ADGRB3: variants seen among roughly 807,000 people sequenced by gnomAD.
ADGRB3 encodes the protein adhesion G protein-coupled receptor B3, also known as brain-specific angiogenesis inhibitor 3.
In ADGRB3, 37 loss-of-function variants were observed where a neutral mutation model predicts 193.4. The ratio of observed to expected loss-of-function variants is 0.19; its 90% CI spans 0.15 to 0.25. ADGRB3 has a LOEUF of 0.25. Among genes scored for constraint, ADGRB3 ranks in the 10% least tolerant of loss-of-function variants. The pLI is 1.00. For synonymous variants in ADGRB3, 690 were observed against 644.2 expected, an observed-to-expected ratio of 1.07 and a Z score of -1.08; for missense variants, 1,637 against 1,852.9, an observed-to-expected ratio of 0.88 and a Z score of 2.14.
chr6:68,758,392 T>C (rs1356750363), intron 3 of ADGRB3, among the ~76,000 whole-genome samples: 22 of 152,096 alleles, frequency 1.4e-4, no homozygotes, highest in Non-Finnish European at 5.9e-5. Flanking sequence ...GTTTTTACTA[T>C]TTCTTGTTCT....
intron 6 of ADGRB3, among the ~76,000 whole-genome samples, chr6:68,954,871 C>CG (rs1214516887): frequency 6.6e-6 from 1 of 151,854 alleles, no homozygotes; most frequent in East Asian, 1.9e-4. Flanking sequence ...TCAGTAGAGA[C>CG]GGGGTTTCAC....
chr6:69,074,844 C>T (rs1375366061), intron 16 of ADGRB3, among the ~76,000 whole-genome samples: 1 of 152,106 alleles, frequency 6.6e-6, no homozygotes, highest in Non-Finnish European at 1.5e-5. Flanking sequence ...TGCGCCCGGC[C>T]TCAGGACTGT....
chr6:68,808,289 C>T (rs1227760389), intron 3 of ADGRB3, among the ~76,000 whole-genome samples: 1 of 152,086 alleles, frequency 6.6e-6, no homozygotes, highest in Non-Finnish European at 1.5e-5. Flanking sequence ...ATATCATCCA[C>T]CACCTTATCA....
At chr6:68,876,513 A>G (rs77516291) in intron 3 of ADGRB3, among the ~76,000 whole-genome samples, 5,121 of 152,302 alleles carry the variant, frequency 0.034, 271 homozygotes, top group African/African-American at 0.12. Flanking sequence ...TAGTCGCAGC[A>G]AAAAGGATTG....
At chr6:69,323,759 G>A (rs73746002) in intron 20 of ADGRB3, among the ~76,000 whole-genome samples, 5,260 of 152,060 alleles carry the variant, frequency 0.035, 296 homozygotes, top group African/African-American at 0.11. Context: ...AGAAGAACTG[G>A]CGAACTAAGT....
chr6:68,838,060 A>C (rs901080249), intron 3 of ADGRB3, among the ~76,000 whole-genome samples: 1 of 152,170 alleles, frequency 6.6e-6, no homozygotes, highest in African/African-American at 2.4e-5. Context: ...AGAAAGAAAA[A>C]ATGTACAGGA....
At chr6:68,907,059 G>A (rs1302923805) in intron 3 of ADGRB3, among the ~76,000 whole-genome samples, 1 of 151,904 alleles carries the variant, frequency 6.6e-6, no homozygotes, top group African/African-American at 2.4e-5. Context: ...ACAGTAAGGA[G>A]TAAATAATAT....
chr6:68,740,420 G>A (rs373942538), intron 3 of ADGRB3, among the ~76,000 whole-genome samples: 12 of 152,134 alleles, frequency 7.9e-5, no homozygotes, highest in African/African-American at 2.7e-4. Flanking sequence ...TGATAAATAG[G>A]AAACAAATAT....
intron 3 of ADGRB3, among the ~76,000 whole-genome samples, chr6:68,844,109 G>T (rs1296995990): frequency 1.3e-5 from 2 of 152,058 alleles, no homozygotes; most frequent in Admixed American, 1.3e-4. Flanking sequence ...ACATTGGTCT[G>T]GGCAAAGATT....
chr6:68,724,371 A>G (rs1198179586), intron 3 of ADGRB3, among the ~76,000 whole-genome samples: 1 of 151,690 alleles, frequency 6.6e-6, no homozygotes, highest in Non-Finnish European at 1.5e-5. Context: ...GGGAATGGCC[A>G]ACATATAGGT....
At chr6:68,706,108 A>C (rs1023506540) in intron 3 of ADGRB3, among the ~76,000 whole-genome samples, 4 of 152,142 alleles carry the variant, frequency 2.6e-5, no homozygotes, top group African/African-American at 7.2e-5. Flanking sequence ...AAAGGTCTAG[A>C]TGTAGTTGAG....
chr6:68,657,423 T>C (rs1291489191), intron 3 of ADGRB3, among the ~76,000 whole-genome samples: 1 of 151,446 alleles, frequency 6.6e-6, no homozygotes, highest in Non-Finnish European at 1.5e-5. Flanking sequence ...GTAAAAATTT[T>C]TAAACAGACG....
chr6:69,368,583 A>G (rs564245454), intron 29 of ADGRB3, among the ~76,000 whole-genome samples: 1 of 152,236 alleles, frequency 6.6e-6, no homozygotes, highest in East Asian at 1.9e-4. Flanking sequence ...GGAATGAATT[A>G]TGGTATCCAG....
intron 3 of ADGRB3, among the ~76,000 whole-genome samples, chr6:68,865,826 A>T (rs928816450): frequency 6.6e-6 from 1 of 152,112 alleles, no homozygotes; most frequent in African/African-American, 2.4e-5. Context: ...AAATCAGTAA[A>T]ACTATTACCC....
chr6:69,353,527 T>C lies in ADGRB3; in HGVS notation c.3460-706T>C, dbSNP rs530584903. On this transcript the variant is annotated intron_variant, in intron 26 of 31. Coordinates refer to ENST00000370598, the MANE Select transcript of ADGRB3 (RefSeq NM_001704.3). ...AAAAGATCATTGAATAATCTCATTT[T>C]TCGTAATATTTAAAGCTGTTATGAA... 4.9e-4 allele frequency among the ~76,000 whole-genome samples: 74 copies of C among 151,976 alleles called. 1 individual carries two copies. Among genetic ancestry groups the C allele is most frequent in the Middle Eastern group, 3.4e-3 (1 of 294 alleles).
At chr6:69,382,492 C>T (rs1769970190) in intron 30 of ADGRB3, among the ~76,000 whole-genome samples, 1 of 151,862 alleles carries the variant, frequency 6.6e-6, no homozygotes, top group African/African-American at 2.4e-5. Flanking sequence ...AGTTTTTAAA[C>T]ATTTTAAAAA....
chr6:68,955,112 T>C (rs1433889575), intron 6 of ADGRB3, among the ~76,000 whole-genome samples: 5 of 152,202 alleles, frequency 3.3e-5, no homozygotes. Context: ...ATGACCTTCA[T>C]CCAGTTCCTG....
intron 3 of ADGRB3, among the ~76,000 whole-genome samples, chr6:68,688,831 C>G (rs1382644700): frequency 6.6e-6 from 1 of 152,104 alleles, no homozygotes; most frequent in Non-Finnish European, 1.5e-5. Flanking sequence ...AACAACAGAC[C>G]ACAGGACTTG....
chr6:69,192,256 G>T (rs1765205747), intron 17 of ADGRB3, among the ~76,000 whole-genome samples: 1 of 152,150 alleles, frequency 6.6e-6, no homozygotes, highest in Non-Finnish European at 1.5e-5. Context: ...AAAGGTCCAA[G>T]AGTCCCAAAG....
Sources: allele counts gnomAD v4.1 joint callset (sites outside exome capture counted in the v4.1 genomes callset), GRCh38; gene constraint gnomAD v4.1.1; transcripts MANE v1.5; gene names NCBI Gene and HGNC (gene_info 2026-07-23, HGNC 2026-07-21).